Variants in CRB1 observed in about 807,000 individuals in gnomAD.
CRB1 encodes the protein crumbs cell polarity complex component 1, also known as protein crumbs homolog 1.
A neutral mutation model predicts 120.0 loss-of-function variants in CRB1; 83 were observed. The observed-to-expected ratio is 0.69, with a 90% CI of 0.58 to 0.83. The LOEUF (loss-of-function observed/expected upper bound fraction) is 0.83. Ranked by LOEUF, CRB1 falls within the 40% of genes least tolerant of loss-of-function variation. The pLI is 0.00. For synonymous variants in CRB1, 625 were observed against 612.5 expected, an observed-to-expected ratio of 1.02 and a Z score of -0.30; for missense variants, 1,699 against 1,687.6, an observed-to-expected ratio of 1.01 and a Z score of -0.12.
chr1:197,429,324 A>G, intron 7 of CRB1, 125 bp from the exon 8 acceptor site: 4 of 1,380,726 alleles, frequency 2.9e-6, no homozygotes, highest in Non-Finnish European at 4.1e-6. Flanking sequence ...ATGGATCTTA[A>G]AAGTTTAAAA....
chr1:197,205,886 T>C, the CRB1 span, among the ~76,000 whole-genome samples: 1 of 151,934 alleles, frequency 6.6e-6, no homozygotes, highest in Non-Finnish European at 1.5e-5. Flanking sequence ...CCTGGACTTT[T>C]TTTTTTTTTT....
chr1:197,336,210 G>A (rs944107565), intron 2 of CRB1, among the ~76,000 whole-genome samples: 2 of 152,204 alleles, frequency 1.3e-5, no homozygotes, highest in African/African-American at 4.8e-5. Context: ...GAGGTATGAT[G>A]TAACTGACAC....
intron 5 of CRB1, among the ~76,000 whole-genome samples, chr1:197,396,445 G>A (rs1015795630): frequency 2.0e-5 from 3 of 151,976 alleles, no homozygotes; most frequent in African/African-American, 4.8e-5. Flanking sequence ...ATATCAATAG[G>A]ATTTTTTTTT....
At chr1:197,312,977 G>A (rs1248299883) in intron 1 of CRB1, among the ~76,000 whole-genome samples, 2 of 152,102 alleles carry the variant, frequency 1.3e-5, no homozygotes. Context: ...CTGCTATAAA[G>A]AACTACCTGA....
chr1:197,253,726 A>G, the CRB1 span, among the ~76,000 whole-genome samples: 7 of 152,244 alleles, frequency 4.6e-5, no homozygotes, highest in East Asian at 1.2e-3. Flanking sequence ...TCATTTGATA[A>G]AGAAAAATTT....
intron 2 of CRB1, among the ~76,000 whole-genome samples, chr1:197,338,062 CA>C (rs1659255288): frequency 6.6e-6 from 1 of 151,396 alleles, no homozygotes; most frequent in Non-Finnish European, 1.5e-5. Flanking sequence ...TATAATCTTT[CA>C]AAAAAACATA....
chr1:197,385,986 G>A (rs1662196385), intron 5 of CRB1, among the ~76,000 whole-genome samples: 1 of 152,000 alleles, frequency 6.6e-6, no homozygotes, highest in South Asian at 2.1e-4. Context: ...TCCCAGCAAA[G>A]TTGTTGATCT....
At chr1:197,420,370 G>T (rs1324070719) in intron 5 of CRB1, among the ~76,000 whole-genome samples, 2 of 152,082 alleles carry the variant, frequency 1.3e-5, no homozygotes, top group Non-Finnish European at 2.9e-5. Flanking sequence ...AGAAAGTGAA[G>T]TTAAAATAAT....
chr1:197,210,744 T>C, the CRB1 span, among the ~76,000 whole-genome samples: 3 of 152,074 alleles, frequency 2.0e-5, no homozygotes, highest in Non-Finnish European at 4.4e-5. Flanking sequence ...GTCTCTAAGA[T>C]GCCAAAAGTT....
chr1:197,433,040 A>T lies in CRB1; in HGVS notation c.2843-1666A>T, dbSNP rs555250412. Among the ~76,000 whole-genome samples, 3 of 150,734 alleles carry T rather than the reference A, an allele frequency of 2.0e-5. No homozygotes were observed. The East Asian group carries it at 5.9e-4, about 29-fold the overall frequency. On this transcript the variant is annotated intron_variant, in intron 8 of 11. Coordinates refer to ENST00000367400, the MANE Select transcript of CRB1 (RefSeq NM_201253.3). ...TCATGTAGATGCTTTTTTTTTTAAC[A>T]TGGCAAAATTTTGTCATGAATTTTT...
intron 5 of CRB1, among the ~76,000 whole-genome samples, chr1:197,400,692 C>A (rs555141811): frequency 6.6e-6 from 1 of 152,110 alleles, no homozygotes; most frequent in South Asian, 2.1e-4. Context: ...CGGATACTAT[C>A]CAGCCCTGAT....
chr1:197,281,411 T>G (rs887998079), intron 1 of CRB1, among the ~76,000 whole-genome samples: 1 of 151,896 alleles, frequency 6.6e-6, no homozygotes, highest in Non-Finnish European at 1.5e-5. Flanking sequence ...GCTCATGTAG[T>G]CAGGACTGTT....
intron 1 of CRB1, among the ~76,000 whole-genome samples, chr1:197,282,824 C>G (rs1655602456): frequency 1.3e-5 from 2 of 151,890 alleles, no homozygotes; most frequent in African/African-American, 4.8e-5. Context: ...TTGGACCTTT[C>G]TCTTGAAATT....
chr1:197,317,649 A>C (rs1657933897), intron 1 of CRB1, among the ~76,000 whole-genome samples: 1 of 152,190 alleles, frequency 6.6e-6, no homozygotes, highest in African/African-American at 2.4e-5. Context: ...AAAAATAGAC[A>C]CATAGACTAA....
intron 5 of CRB1, among the ~76,000 whole-genome samples, chr1:197,364,586 A>G (rs371016319): frequency 3.3e-5 from 5 of 149,574 alleles, no homozygotes; most frequent in African/African-American, 9.9e-5. Flanking sequence ...GTTTCAGTCT[A>G]TTTTCTGCCT....
At chr1:197,202,424 G>A in the CRB1 span, among the ~76,000 whole-genome samples, 1 of 152,140 alleles carries the variant, frequency 6.6e-6, no homozygotes, top group African/African-American at 2.4e-5. Context: ...AGAGAAAAAT[G>A]TAAAACCAAG....
At chr1:197,300,272 T>C (rs558606737) in intron 1 of CRB1, among the ~76,000 whole-genome samples, 125 of 152,060 alleles carry the variant, frequency 8.2e-4, no homozygotes, top group African/African-American at 4.8e-5. Context: ...TTGACTAAGA[T>C]AGGCTGAAAC....
chr1:197,470,931 G>C (rs2125562749), intron 11 of CRB1, among the ~76,000 whole-genome samples: 1 of 152,314 alleles, frequency 6.6e-6, no homozygotes, highest in South Asian at 2.1e-4. Flanking sequence ...GTCTACAAGA[G>C]GAAATATGTC....
Position 197,477,716 on chromosome 1 carries a change from T to C in CRB1, c.4058T>C (p.Val1353Ala). ...TTCACCACTATTGGCTCAGTGACTG[T>C]CGCCTTGTTACTGATCCTCTTGCTG... ...DIFTTIGSVTVALLLILLLAI... is the reference protein window; with the variant it reads ...DIFTTIGSVTAALLLILLLAI... Residue 1353 changes from valine (V) to alanine (A), a missense_variant, in exon 12 of 12, where the codon GTC (valine) becomes GCC (alanine). Physicochemically the swap from Val to Ala is moderately conservative, Grantham distance 64 (BLOSUM62 0). Transcript: ENST00000367400. 1 of 1,613,936 alleles carries C rather than the reference T, an allele frequency of 6.2e-7. No individual in the cohort carries two copies. The highest frequency in any genetic ancestry group is 1.7e-4 in the Middle Eastern group (1 of 6,060).
Sources: gnomAD v4.1 joint callset for allele counts (sites outside exome capture counted in the v4.1 genomes callset) on GRCh38, gnomAD v4.1.1 for gene constraint, MANE v1.5 for transcripts, NCBI Gene and HGNC (gene_info 2026-07-23, HGNC 2026-07-21) for gene names.